The following SACS variants were observed in gnomAD, a reference collection of about 807,000 sequenced individuals.
The protein encoded by SACS is sacsin molecular chaperone, also known as sacsin.
In SACS, 197 loss-of-function variants were observed where a neutral mutation model predicts 348.0. That is an observed-to-expected ratio of 0.57 (90% CI 0.50 to 0.64). SACS has a LOEUF of 0.64. SACS is among the 30% of genes least tolerant of loss of function. SACS has a pLI of 0.00. For synonymous variants in SACS, 1,985 were observed against 1,910.6 expected (o/e 1.04, Z -1.02); for missense variants, 4,999 against 5,360.8 (o/e 0.93, Z 2.11).
chr13:23,329,326 A>T lies in SACS; in HGVS notation c.*810T>A. ...GTTCAACCACACTATATAAATTATA[A>T]CATTTGTGGAAAATATGTACACACA... On this transcript the variant is annotated 3_prime_UTR_variant, in exon 10 of 10. Transcript: ENST00000382292. 1 of 648,062 alleles carries T rather than the reference A, an allele frequency of 1.5e-6. No homozygotes were observed. The highest frequency in any genetic ancestry group is 2.8e-6 in the Non-Finnish European group (1 of 363,020). The allele number at this position is 648,062 out of a possible 1,614,324, so 40.1% of individuals were successfully genotyped here.
In SACS at chr13:23,355,976, G is replaced by C; in HGVS notation, c.636C>G (p.Ile212Met). 1 of 1,613,756 alleles carries C rather than the reference G, an allele frequency of 6.2e-7. No individual in the cohort carries two copies. ...DVPCIFSGDQ[I>M]GMLDPHQTLF... ...GTGTTTGATGAGGATCTAGCATCCCGATTTGGTCACCACTAAAGATACAAG... is the reference window on the plus strand; with the variant it reads ...GTGTTTGATGAGGATCTAGCATCCCCATTTGGTCACCACTAAAGATACAAG... Residue 212 changes from isoleucine (I) to methionine (M), a missense_variant, in exon 8 of 10, where the codon ATC (isoleucine) becomes ATG (methionine). Coordinates refer to ENST00000382292, the MANE Select transcript of SACS (RefSeq NM_014363.6).
chr13:23,403,612 T>C (rs1266926018), intron 2 of SACS, among the ~76,000 whole-genome samples: 2 of 152,202 alleles, frequency 1.3e-5, no homozygotes, highest in Non-Finnish European at 2.9e-5. Flanking sequence ...TTTATCCTTT[T>C]TTATTATGTC....
chr13:23,433,006 T>C (rs1227107477), intron 1 of SACS, among the ~76,000 whole-genome samples: 1 of 151,772 alleles, frequency 6.6e-6, no homozygotes, highest in Non-Finnish European at 1.5e-5. Context: ...TCAAAGAATC[T>C]AATGATCGCT....
Position 23,354,963 on chromosome 13 carries a change from T to A in SACS, c.1649A>T (p.Glu550Val). The change falls in exon 8 of 10, where the codon GAG becomes GTG. Residue 550 changes from glutamate to valine, a missense_variant. Coordinates refer to ENST00000382292, the MANE Select transcript of SACS (RefSeq NM_014363.6). ...KVKVHWQPVL[E>V]PLFSELLQNA... ...CTGCAACAGCTCGCTGAATAGAGGCTCTAACACCGGTTGCCAGTGCACCTT... is the reference window on the plus strand; with the variant it reads ...CTGCAACAGCTCGCTGAATAGAGGCACTAACACCGGTTGCCAGTGCACCTT... 6.2e-7 allele frequency: 1 copy of A among 1,614,220 alleles called. No homozygotes were observed. The highest frequency in any genetic ancestry group is 8.5e-7 in the Non-Finnish European group (1 of 1,180,042).
chr13:23,421,684 G>A (rs1362638499), intron 1 of SACS, among the ~76,000 whole-genome samples: 1 of 151,274 alleles, frequency 6.6e-6, no homozygotes, highest in Non-Finnish European at 1.5e-5. Context: ...TGTTGACCTG[G>A]GGACTGATGT....
At chr13:23,380,120 C>CGTGTGTGTGTGTGTGTGTGTGTG (rs1491572643) in intron 2 of SACS, among the ~76,000 whole-genome samples, 2 of 86,194 alleles carry the variant, frequency 2.3e-5, no homozygotes, top group African/African-American at 8.8e-5. Context: ...CTGGGATTCC[C>CGTGTGTGTGTGTGTGTGTGTGTG]TCGTGTGTGT....
intron 2 of SACS, among the ~76,000 whole-genome samples, chr13:23,388,843 C>A (rs1872413182): frequency 6.6e-6 from 1 of 151,700 alleles, no homozygotes; most frequent in Non-Finnish European, 1.5e-5. Context: ...ACAGTTTATC[C>A]AAGTAACCAA....
intron 1 of SACS, among the ~76,000 whole-genome samples, chr13:23,416,025 A>T (rs1379139972): frequency 1.3e-5 from 2 of 152,116 alleles, no homozygotes; most frequent in Non-Finnish European, 2.9e-5. Flanking sequence ...CACGTCTGTA[A>T]TCCTAGCACT....
In SACS at chr13:23,334,600, A is replaced by G. The variant is rs2137585334; in HGVS notation, c.9276T>C (p.Tyr3092=). Residue 3092 remains tyrosine (Y), a synonymous_variant, in exon 10 of 10, where the codon TAT becomes TAC. Coordinates refer to ENST00000382292, the MANE Select transcript of SACS (RefSeq NM_014363.6). ...CLIDADIPVS[Y]VTPADIRSFL... Reference sequence around the variant, plus strand: ...AAGATCTGATATCAGCAGGGGTCACATAACTAACAGGAATATCTGCATCTA... The same window carrying G: ...AAGATCTGATATCAGCAGGGGTCACGTAACTAACAGGAATATCTGCATCTA... 1.2e-6 allele frequency: 2 copies of G among 1,613,582 alleles called. No individual in the cohort carries two copies. The highest frequency in any genetic ancestry group is 1.7e-6 in the Non-Finnish European group (2 of 1,179,778).
In SACS at chr13:23,429,338, G is replaced by A. The variant is rs191307714; in HGVS notation, c.-502+4277C>T. On this transcript the variant is annotated intron_variant, in intron 1 of 9. Transcript: ENST00000382292. ...CACTAAACTGTGATTCAGTCGTTGA[G>A]GTAGGGATTTTTTTTTTTTTTTTTT... Among the ~76,000 whole-genome samples, 1,117 of 138,830 alleles carry A rather than the reference G, an allele frequency of 8.0e-3. 16 individuals carry two copies. Among genetic ancestry groups the A allele is most frequent in the African/African-American group, 0.027 (1,059 of 38,684 alleles). 91.1% of individuals were successfully genotyped at this position (138,830 alleles called of 152,430 possible). A position where few individuals can be genotyped will look rare whatever the true frequency, so the allele number is the denominator to read the frequency against.
At chr13:23,423,290 G>T (rs891936770) in intron 1 of SACS, among the ~76,000 whole-genome samples, 7 of 152,144 alleles carry the variant, frequency 4.6e-5, no homozygotes, top group Admixed American at 2.6e-4. Flanking sequence ...GAAGCTTTGT[G>T]ATGTGCTGTC....
intron 2 of SACS, among the ~76,000 whole-genome samples, chr13:23,395,087 T>C (rs1234125684): frequency 2.0e-5 from 3 of 152,148 alleles, no homozygotes; most frequent in African/African-American, 7.2e-5. Context: ...CCTAGGCTTC[T>C]CTGTTCATTC....
chr13:23,353,566 T>C (rs150929116), intron 9 of SACS, among the ~76,000 whole-genome samples: 1 of 152,316 alleles, frequency 6.6e-6, no homozygotes, highest in East Asian at 1.9e-4. Context: ...CATCACACCA[T>C]GACAGGAGAG....
At position 23,355,705 on chromosome 13, in the gene SACS, C is replaced by A. The variant is rs1870334556; in HGVS notation, c.907G>T (p.Ala303Ser). Residue 303 changes from alanine to serine, a missense_variant, in exon 8 of 10, where the codon GCA (alanine) becomes TCA (serine). Physicochemically the swap from Ala to Ser is moderately conservative, Grantham distance 99 (BLOSUM62 1). Transcript: ENST00000382292. ...TTCAGAAAGAGCAGCACTGTGTCTG[C>A]ATCTGCCCTAAAAGACTCAAACAAC... ...LELFESFRAD[A>S]DTVLLFLKSV... 1.2e-6 allele frequency: 2 copies of A among 1,614,076 alleles called. No homozygotes were observed. The highest frequency in any genetic ancestry group is 1.7e-6 in the Non-Finnish European group (2 of 1,180,048).
At chr13:23,410,704 C>G (rs1462921118) in intron 2 of SACS, among the ~76,000 whole-genome samples, 1 of 151,634 alleles carries the variant, frequency 6.6e-6, no homozygotes, top group Non-Finnish European at 1.5e-5. Flanking sequence ...TGCACAAATC[C>G]TCAAGCTTGT....
In SACS at chr13:23,333,113, T is replaced by A; in HGVS notation, c.10763A>T (p.Asn3588Ile). The A allele has an allele frequency of 6.2e-7, 1 of 1,613,722 alleles. No homozygotes were observed. Residue 3588 changes from asparagine to isoleucine, a missense_variant, in exon 10 of 10, where the codon AAT becomes ATT. By Grantham distance (149) the Asn-to-Ile change is moderately radical (BLOSUM62 -3). Around this residue, in one of 6 missense-constraint regions of SACS, gnomAD observed 831 missense variants for 941.8 expected, o/e 0.88. Transcript: ENST00000382292. ...AGAAAGTATGTATTTTAGTCCAATA[T>A]TTCTTAAGAATTCCACCCAGGATGT... is the stretch of plus-strand genomic sequence containing the variant. ...FMTSWVEFLR[N>I]IGLKYILSQQ...
chr13:23,350,916 C>A (rs1001240228), intron 9 of SACS, among the ~76,000 whole-genome samples: 2 of 152,190 alleles, frequency 1.3e-5, no homozygotes, highest in African/African-American at 4.8e-5. Flanking sequence ...TTAGTAGGGG[C>A]AGGACCTCTG....
chr13:23,392,820 A>G (rs1198043790), intron 2 of SACS, among the ~76,000 whole-genome samples: 1 of 152,184 alleles, frequency 6.6e-6, no homozygotes, highest in Non-Finnish European at 1.5e-5. Context: ...GAAGCCATAG[A>G]AGGGACAAGA....
chr13:23,333,058 T>A lies in SACS; in HGVS notation c.10818A>T (p.Glu3606Asp), dbSNP rs147379730. The change falls in exon 10 of 10, where the codon GAA becomes GAT. Residue 3606 changes from glutamate to aspartate, a missense_variant. Transcript: ENST00000382292. Reference sequence around the variant, plus strand: ...TTTCTGTATTAGCCCTCACACTGATTTCCTTAGCAAACTGTAACAACTGCT... The same window carrying A: ...TTTCTGTATTAGCCCTCACACTGATATCCTTAGCAAACTGTAACAACTGCT... ...SQQQLLQFAK[E>D]ISVRANTENW... 8.1e-6 allele frequency: 13 copies of A among 1,613,888 alleles called. No homozygotes were observed. Among genetic ancestry groups the A allele is most frequent in the Non-Finnish European group, 1.1e-5 (13 of 1,179,914 alleles).
Sources: allele counts gnomAD v4.1 joint callset (sites outside exome capture counted in the v4.1 genomes callset), GRCh38; gene constraint gnomAD v4.1.1; regional missense constraint gnomAD v4.1.1; transcripts MANE v1.5; gene names NCBI Gene and HGNC (gene_info 2026-07-23, HGNC 2026-07-21).